Variants in MAP3K3 observed in about 807,000 individuals in gnomAD.
The protein encoded by MAP3K3 is mitogen-activated protein kinase kinase kinase 3, also known as MAP/ERK kinase kinase 3.
In MAP3K3, 12 loss-of-function variants were observed where a neutral mutation model predicts 80.9. The observed-to-expected ratio is 0.15, with a 90% confidence interval of 0.10 to 0.24. MAP3K3 has a LOEUF of 0.24. Ranked by LOEUF, MAP3K3 falls within the 10% of genes least tolerant of loss-of-function variation. The probability of loss-of-function intolerance (pLI) is 1.00; values close to 1 mark genes in which losing one functional copy is unlikely to be tolerated. For missense variants in MAP3K3, 596 were observed against 834.7 expected, an observed-to-expected ratio of 0.71 and a Z score of 3.52; for synonymous variants, 272 against 307.1, an observed-to-expected ratio of 0.89 and a Z score of 1.19.
intron 6 of MAP3K3, among the ~76,000 whole-genome samples, chr17:63,672,492 C>G (rs922975371): frequency 6.6e-6 from 1 of 151,962 alleles, no homozygotes; most frequent in African/African-American, 2.4e-5. Flanking sequence ...ATACAGCCAA[C>G]AGGAGATATC....
intron 9 of MAP3K3, 73 bp from the exon 10 acceptor site, chr17:63,688,716 C>T: frequency 1.4e-6 from 2 of 1,405,552 alleles, no homozygotes; most frequent in Admixed American, 3.4e-5. Flanking sequence ...GTCTCAGGTG[C>T]CTTGGGGACT....
Position 63,646,015 on chromosome 17 carries a change from C to CT in MAP3K3, c.127-18dup. 6.2e-7 allele frequency: 1 copy of CT among 1,611,436 alleles called. No homozygotes were observed. Among genetic ancestry groups the CT allele is most frequent in the Non-Finnish European group, 8.5e-7 (1 of 1,177,636 alleles). ...CATTCCAGAGAATTCTCTAACCTGT[C>CT]TATCATTCTTTTTGGCAGAGTGACG... On this transcript the variant is annotated intron_variant, in intron 2 of 15. Coordinates refer to ENST00000361733, the MANE Select transcript of MAP3K3 (RefSeq NM_002401.5).
At position 63,691,087 on chromosome 17, in the gene MAP3K3, T is replaced by C. The variant is rs961159331; in HGVS notation, c.1213-15T>C. The stretch of plus-strand genomic sequence containing the variant: ...GGGCCCTGAGAGCTGAGGCGACCAC[T>C]GACCCCTCCCCTAGGAGGTGAGTGC... On this transcript the variant is annotated splice_polypyrimidine_tract_variant and intron_variant, in intron 12 of 15. Transcript: ENST00000361733. The surrounding 1 kb of genome is among the most constrained non-coding windows in gnomAD (Gnocchi z 4.8). The C allele has an allele frequency of 1.2e-6, 2 of 1,613,606 alleles. No individual in the cohort carries two copies. The highest frequency in any genetic ancestry group is 1.3e-5 in the African/African-American group (1 of 75,028).
intron 5 of MAP3K3, among the ~76,000 whole-genome samples, chr17:63,662,650 ATTTTTTTTTTTTTT>A (rs1192833142): frequency 1.2e-5 from 1 of 82,564 alleles, no homozygotes; most frequent in Non-Finnish European, 2.2e-5. Flanking sequence ...AGAAGAGGGA[ATTTTTTTTTTTTTT>A]TTTTTTTTTT....
intron 6 of MAP3K3, among the ~76,000 whole-genome samples, chr17:63,675,775 A>G (rs1183659180): frequency 6.6e-6 from 1 of 152,186 alleles, no homozygotes; most frequent in Admixed American, 6.5e-5. Flanking sequence ...AGGCTGGAAT[A>G]CCAGGGAAAG....
chr17:63,667,077 T>A lies in MAP3K3; in HGVS notation c.502+17T>A. On this transcript the variant is annotated intron_variant, in intron 6 of 15. Coordinates refer to ENST00000361733, the MANE Select transcript of MAP3K3 (RefSeq NM_002401.5). ...TCTCTGTCAGTGAGTATTTCAACCC[T>A]TTTTTCTCCCCCTCTATTTTATCTG... 4 of 1,560,498 alleles carry A rather than the reference T, an allele frequency of 2.6e-6. No individual in the cohort carries two copies. Among genetic ancestry groups the A allele is most frequent in the Non-Finnish European group, 3.5e-6 (4 of 1,158,662 alleles).
At chr17:63,680,506 T>G (rs2035307897) in intron 6 of MAP3K3, among the ~76,000 whole-genome samples, 1 of 152,188 alleles carries the variant, frequency 6.6e-6, no homozygotes, top group Admixed American at 6.5e-5. Context: ...AGATGCAAAC[T>G]TTTGGCCTCA....
intron 7 of MAP3K3, chr17:63,682,354 T>C (rs1157344761): frequency 1.3e-5 from 2 of 152,626 alleles, no homozygotes; most frequent in Non-Finnish European, 2.9e-5. Flanking sequence ...GCTGATCATT[T>C]ATGATGGTAG....
In MAP3K3 at chr17:63,632,187, C is replaced by T. The variant is rs114296822; in HGVS notation, c.5-494C>T. ...TGCTGCAGGAAATCTGATTGGAGGG[C>T]TATTAAGAAACCATTAAAGGCCAGG... is the stretch of plus-strand genomic sequence containing the variant. On this transcript the variant is annotated intron_variant, in intron 1 of 15. Coordinates refer to ENST00000361733, the MANE Select transcript of MAP3K3 (RefSeq NM_002401.5). Among the ~76,000 whole-genome samples the T allele has an allele frequency of 2.9e-3, 442 of 152,202 alleles. 4 individuals are homozygous for T. The highest frequency in any genetic ancestry group is 0.01 in the African/African-American group (431 of 41,542).
At chr17:63,629,294 T>C (rs1290405351) in intron 1 of MAP3K3, among the ~76,000 whole-genome samples, 1 of 152,136 alleles carries the variant, frequency 6.6e-6, no homozygotes. Flanking sequence ...AGTTAATTTT[T>C]TTGTATTTTT....
chr17:63,680,487 A>G (rs2035307545), intron 6 of MAP3K3, among the ~76,000 whole-genome samples: 1 of 152,116 alleles, frequency 6.6e-6, no homozygotes, highest in Non-Finnish European at 1.5e-5. Context: ...TGAGCTTAGG[A>G]AGGAAAAAAG....
intron 5 of MAP3K3, among the ~76,000 whole-genome samples, chr17:63,664,056 C>A (rs2034949876): frequency 6.6e-6 from 1 of 151,302 alleles, no homozygotes; most frequent in Non-Finnish European, 1.5e-5. Context: ...TCCTGGCTAA[C>A]ACGGTGAAAC....
At position 63,681,796 on chromosome 17, in the gene MAP3K3, C is replaced by T. The variant is rs749547349; in HGVS notation, c.533C>T (p.Pro178Leu). 1 of 1,539,866 alleles carries T rather than the reference C, an allele frequency of 6.5e-7. No homozygotes were observed. The change falls in exon 7 of 16, where the codon CCC becomes CTC. Residue 178 changes from proline to leucine, a missense_variant. By Grantham distance (98) the Pro-to-Leu change is moderately conservative (BLOSUM62 -3). This residue lies in a region of MAP3K3 where 232 missense variants were observed against 245.8 expected (regional missense o/e 0.94). Coordinates refer to ENST00000361733, the MANE Select transcript of MAP3K3 (RefSeq NM_002401.5). Reference sequence around the variant, plus strand: ...CAGAACCCTGGCCGAAGCTCACCTCCCCCTGGCTATGTTCCTGAGCGGCAG... The same window carrying T: ...CAGAACCCTGGCCGAAGCTCACCTCTCCCTGGCTATGTTCCTGAGCGGCAG... ...SSQNPGRSSP[P>L]PGYVPERQQH...
At chr17:63,662,844 G>GAT (rs1323161416) in intron 5 of MAP3K3, among the ~76,000 whole-genome samples, 1 of 135,628 alleles carries the variant, frequency 7.4e-6, no homozygotes, top group East Asian at 2.0e-4. Flanking sequence ...TTTTAGTGGA[G>GAT]ATGGGGTTGG....
Position 63,691,271 on chromosome 17 carries a change from A to G in MAP3K3, c.1344+38A>G. The G allele has an allele frequency of 6.2e-7, 1 of 1,613,282 alleles. No individual in the cohort carries two copies. Among genetic ancestry groups the G allele is most frequent in the South Asian group, 1.1e-5 (1 of 91,064 alleles). On this transcript the variant is annotated intron_variant, in intron 13 of 15. Transcript: ENST00000361733. The surrounding 1 kb of genome is among the most constrained non-coding windows in gnomAD (Gnocchi z 4.8). ...TGAATGCATGTGAGACACACACAAA[A>G]GAGGGCCTGACCTGGGGGCTGGGGC...
intron 6 of MAP3K3, among the ~76,000 whole-genome samples, chr17:63,678,840 G>A (rs1395742532): frequency 6.6e-6 from 1 of 151,936 alleles, no homozygotes; most frequent in African/African-American, 2.4e-5. Context: ...GACCAGCCTG[G>A]CCAACATGGT....
In MAP3K3 at chr17:63,691,759, T is replaced by G. The variant is rs777826815; in HGVS notation, c.1371T>G (p.Ala457=). ...PGGSVKDQLK[A]YGALTESVTR... ...GCTCGGTGAAAGACCAGTTGAAGGC[T>G]TACGGTGCTCTGACAGAGAGCGTGA... is the stretch of plus-strand genomic sequence containing the variant. Residue 457 remains alanine, a synonymous_variant, in exon 14 of 16, where the codon GCT becomes GCG. Coordinates refer to ENST00000361733, the MANE Select transcript of MAP3K3 (RefSeq NM_002401.5). This position sits in a 1 kb window ranked among gnomAD's most constrained non-coding sequence, Gnocchi z 4.8. The G allele has an allele frequency of 3.7e-6, 6 of 1,613,970 alleles. No individual in the cohort carries two copies. In the African/African-American group the frequency reaches 8.0e-5, roughly 22 times the overall value.
At chr17:63,645,812 A>G (rs1303781671) in intron 2 of MAP3K3, among the ~76,000 whole-genome samples, 2 of 152,228 alleles carry the variant, frequency 1.3e-5, no homozygotes, top group Non-Finnish European at 2.9e-5. Flanking sequence ...GCAGCCACCT[A>G]GGGATCTTAC....
At position 63,659,722 on chromosome 17, in the gene MAP3K3, G is replaced by C. The variant is rs191085404; in HGVS notation, c.381+1815G>C. Among the ~76,000 whole-genome samples, 175 of 151,746 alleles carry C rather than the reference G, an allele frequency of 1.2e-3. 1 individual carries two copies. The highest frequency in any genetic ancestry group is 4.2e-3 in the African/African-American group (174 of 41,392). ...TAATTTTTGTATTTTTAGTAGAGAA[G>C]GGGTTTCACCATGTTGGCCAGACTG... On this transcript the variant is annotated intron_variant, in intron 5 of 15. Transcript: ENST00000361733.
Sources: allele counts gnomAD v4.1 joint callset (sites outside exome capture counted in the v4.1 genomes callset), GRCh38; gene constraint gnomAD v4.1.1; regional missense constraint gnomAD v4.1.1; non-coding constraint Gnocchi (gnomAD v3.1); transcripts MANE v1.5; gene names NCBI Gene and HGNC (gene_info 2026-07-23, HGNC 2026-07-21).